The following NLRP5 variants were observed in gnomAD, a reference collection of about 807,000 sequenced individuals.
NLRP5 encodes NACHT, LRR and PYD domains-containing protein 5.
NLRP5 carries 93 observed loss-of-function variants against 113.1 expected under a neutral mutation model. The observed-to-expected ratio is 0.82, with a 90% CI of 0.70 to 0.98. The LOEUF (loss-of-function observed/expected upper bound fraction) is 0.98, where lower values mean the gene tolerates loss of function less well. Ranked by LOEUF, NLRP5 falls within the 50% of genes least tolerant of loss-of-function variation. The pLI is 0.00. For synonymous variants in NLRP5, 751 were observed against 600.7 expected, an observed-to-expected ratio of 1.25 and a Z score of -3.66; for missense variants, 1,808 against 1,514.3, an observed-to-expected ratio of 1.19 and a Z score of -3.22.
At chr19:56,030,840 T>G (rs996720433) in intron 7 of NLRP5, among the ~76,000 whole-genome samples, 2 of 149,606 alleles carry the variant, frequency 1.3e-5, no homozygotes, top group East Asian at 2.0e-4. Context: ...TCGGCCTCCC[T>G]AGTAGCTGGA....
chr19:56,001,782 G>A (rs559148258), intron 1 of NLRP5, among the ~76,000 whole-genome samples: 2 of 152,270 alleles, frequency 1.3e-5, no homozygotes, highest in African/African-American at 2.4e-5. Flanking sequence ...TCAAGCAAGG[G>A]TGATCTCACA....
chr19:56,028,393 G>A lies in NLRP5; in HGVS notation c.2160G>A (p.Leu720=), dbSNP rs1181868922. Residue 720 remains leucine, a synonymous_variant, in exon 7 of 15, where the codon TTG becomes TTA. Coordinates refer to ENST00000390649, the MANE Select transcript of NLRP5 (RefSeq NM_153447.4). ...TTCCGATTAACCAGAACCTGGACTT[G>A]ATAGCATCTTCCTTCTGCCTCCAGC... 1.3e-5 allele frequency: 21 copies of A among 1,613,984 alleles called. No individual in the cohort carries two copies. The highest frequency in any genetic ancestry group is 1.8e-5 in the Non-Finnish European group (21 of 1,179,884).
At chr19:56,009,003 G>A in intron 3 of NLRP5, 150 bp downstream of exon 3, 1 of 716,146 alleles carries the variant, frequency 1.4e-6, no homozygotes, top group Non-Finnish European at 2.4e-6. Flanking sequence ...TGGGTTCTGA[G>A]GATCTGGTAA....
Position 56,007,291 on chromosome 19 carries a change from G to A in NLRP5, c.443-1497G>A, listed in dbSNP as rs963638590. Among the ~76,000 whole-genome samples, 3 of 151,258 alleles carry A rather than the reference G, an allele frequency of 2.0e-5. No homozygotes were observed. In the East Asian group the frequency reaches 5.9e-4, roughly 30 times the overall value. The stretch of plus-strand genomic sequence containing the variant: ...AGGCAGGAGAATCGCTTGAAGCTGG[G>A]AGGCAGAGGTTGCAGTGAGCTGAGA... On this transcript the variant is annotated intron_variant, in intron 2 of 14. Coordinates refer to ENST00000390649, the MANE Select transcript of NLRP5 (RefSeq NM_153447.4).
chr19:56,017,671 G>A (rs73934622), intron 4 of NLRP5, among the ~76,000 whole-genome samples: 5,232 of 152,240 alleles, frequency 0.034, 309 homozygotes, highest in African/African-American at 0.12. Flanking sequence ...TATGCCTGAT[G>A]TATCTATCTT....
rs565788764 is a variant in NLRP5 at position 56,017,677 on chromosome 19, A to G, written c.566-1665A>G. Among the ~76,000 whole-genome samples the G allele has an allele frequency of 6.6e-5, 10 of 152,320 alleles. No homozygotes were observed. The South Asian group carries it at 1.0e-3, about 16-fold the overall frequency. The stretch of plus-strand genomic sequence containing the variant: ...AGCATGTTTTATGCCTGATGTATCT[A>G]TCTTGAAGAAGGTCTGTTTGCAGTT... On this transcript the variant is annotated intron_variant, in intron 4 of 14. Coordinates refer to ENST00000390649, the MANE Select transcript of NLRP5 (RefSeq NM_153447.4).
At chr19:56,001,295 A>G (rs1250661307) in intron 1 of NLRP5, among the ~76,000 whole-genome samples, 1 of 146,566 alleles carries the variant, frequency 6.8e-6, no homozygotes, top group Admixed American at 6.9e-5. Context: ...ACTGCACTCC[A>G]GCCTGGGCAA....
At chr19:56,035,694 C>A (rs922736624) in intron 9 of NLRP5, among the ~76,000 whole-genome samples, 1 of 152,164 alleles carries the variant, frequency 6.6e-6, no homozygotes, top group Non-Finnish European at 1.5e-5. Flanking sequence ...GAGTATTGCT[C>A]TCTTCTCTTC....
At chr19:56,042,131 G>C (rs75453677) in intron 11 of NLRP5, among the ~76,000 whole-genome samples, 6,628 of 152,224 alleles carry the variant, frequency 0.044, 485 homozygotes, top group African/African-American at 0.15. Flanking sequence ...TGCATGACCA[G>C]GAAGGACTGA....
At chr19:55,997,862 C>CAA (rs11414769), upstream of NLRP5, among the ~76,000 whole-genome samples, 16,616 of 149,070 alleles carry the variant, frequency 0.11, 1,147 homozygotes, top group East Asian at 0.27. Context: ...CACTCTATCT[C>CAA]AAAAAAAAAA....
At chr19:55,989,916 C>T in the NLRP5 span, among the ~76,000 whole-genome samples, 1 of 152,080 alleles carries the variant, frequency 6.6e-6, no homozygotes, top group African/African-American at 2.4e-5. Flanking sequence ...TGTAGGAGCA[C>T]CTTTTCCTTC....
intron 11 of NLRP5, among the ~76,000 whole-genome samples, chr19:56,042,979 G>A (rs1347714236): frequency 6.6e-6 from 1 of 152,148 alleles, no homozygotes; most frequent in East Asian, 1.9e-4. Context: ...ATGTGTGTGT[G>A]TGTGTGTTTC....
At chr19:56,035,532 T>C (rs1049421994) in intron 9 of NLRP5, among the ~76,000 whole-genome samples, 1 of 152,174 alleles carries the variant, frequency 6.6e-6, no homozygotes, top group Non-Finnish European at 1.5e-5. Context: ...ATAAATAAGA[T>C]AGACATTGTC....
intron 2 of NLRP5, among the ~76,000 whole-genome samples, chr19:56,005,595 G>A (rs1981870634): frequency 6.9e-6 from 1 of 145,910 alleles, no homozygotes; most frequent in African/African-American, 2.5e-5. Context: ...ACACACGCAG[G>A]TGGCATGCCT....
intron 3 of NLRP5, among the ~76,000 whole-genome samples, chr19:56,009,467 G>A (rs1025635187): frequency 1.3e-5 from 2 of 151,868 alleles, no homozygotes; most frequent in African/African-American, 4.8e-5. Context: ...TAACCCAGTA[G>A]GAGGCTTTGG....
intron 1 of NLRP5, among the ~76,000 whole-genome samples, chr19:56,002,755 G>A (rs1981706268): frequency 6.6e-6 from 1 of 150,806 alleles, no homozygotes; most frequent in African/African-American, 2.5e-5. Context: ...TGAGAATGAT[G>A]GTTTCCAGTT....
At chr19:56,022,597 TA>T (rs1982657336) in intron 6 of NLRP5, among the ~76,000 whole-genome samples, 1 of 152,180 alleles carries the variant, frequency 6.6e-6, no homozygotes, top group African/African-American at 2.4e-5. Flanking sequence ...TAAATTTATG[TA>T]AAACAAGGAA....
intron 12 of NLRP5, among the ~76,000 whole-genome samples, chr19:56,052,427 C>G (rs1404294675): frequency 3.3e-5 from 5 of 152,098 alleles, no homozygotes; most frequent in African/African-American, 1.2e-4. Context: ...TGCCACCATG[C>G]CCAGCTACTT....
chr19:56,022,220 C>A (rs1327223466), intron 6 of NLRP5, among the ~76,000 whole-genome samples: 2 of 152,160 alleles, frequency 1.3e-5, no homozygotes, highest in African/African-American at 4.8e-5. Context: ...GATACACTCT[C>A]CACTCCACCC....
Sources: gnomAD v4.1 joint callset for allele counts (sites outside exome capture counted in the v4.1 genomes callset) on GRCh38, gnomAD v4.1.1 for gene constraint, MANE v1.5 for transcripts, NCBI Gene and HGNC (gene_info 2026-07-23, HGNC 2026-07-21) for gene names.